The following TET2 variants were observed in gnomAD, a reference collection of about 807,000 sequenced individuals.
TET2 encodes methylcytosine dioxygenase TET2.
TET2 carries 299 observed loss-of-function variants against 142.9 expected under a neutral mutation model. The ratio of observed to expected loss-of-function variants is 2.09; its 90% CI spans 1.90 to 2.30. The LOEUF (loss-of-function observed/expected upper bound fraction) is 2.30, where lower values mean the gene tolerates loss of function less well. Ranked by LOEUF, TET2 falls within the 30% of genes most tolerant of loss-of-function variation. The probability of loss-of-function intolerance (pLI) is 0.00; values close to 1 mark genes in which losing one functional copy is unlikely to be tolerated. For synonymous variants in TET2, 819 were observed against 849.0 expected (o/e 0.96, Z 0.61); for missense variants, 2,418 against 2,378.0 (o/e 1.02, Z -0.35).
intron 4 of TET2, chr4:105,242,039 T>G (rs747966462): frequency 4.0e-6 from 5 of 1,237,280 alleles, no homozygotes; most frequent in Non-Finnish European, 5.1e-6. Flanking sequence ...GAGAAGGCCT[T>G]TCATATAAAT....
intron 2 of TET2, among the ~76,000 whole-genome samples, chr4:105,215,054 TAAA>T (rs1727414362): frequency 6.6e-6 from 1 of 152,050 alleles, no homozygotes; most frequent in South Asian, 2.1e-4. Context: ...CTCCGGGAAT[TAAA>T]TTGGAGGACA....
chr4:105,242,865 G>A lies in TET2; in HGVS notation c.3532G>A (p.Glu1178Lys). ...ACAGAAGGGTAAAGCTATTAGGATTGAAAGAGTCATCTATACTGGTAAAGA... is the reference window on the plus strand; with the variant it reads ...ACAGAAGGGTAAAGCTATTAGGATTAAAAGAGTCATCTATACTGGTAAAGA... ...FGQKGKAIRI[E>K]RVIYTGKEGK... The change falls in exon 5 of 11, where the codon GAA becomes AAA. Residue 1178 changes from glutamate (E) to lysine (K), a missense_variant. By Grantham distance (56) the Glu-to-Lys change is moderately conservative (BLOSUM62 1). Transcript: ENST00000380013. 1.3e-6 allele frequency: 2 copies of A among 1,551,424 alleles called. No individual in the cohort carries two copies. Among genetic ancestry groups the A allele is most frequent in the Non-Finnish European group, 1.7e-6 (2 of 1,146,864 alleles).
At chr4:105,153,059 G>A (rs1177612159) in intron 1 of TET2, among the ~76,000 whole-genome samples, 1 of 152,168 alleles carries the variant, frequency 6.6e-6, no homozygotes, top group Non-Finnish European at 1.5e-5. Context: ...ATGGTTTTTA[G>A]TAAACTTATA....
chr4:105,263,916 C>T (rs1730562701), intron 8 of TET2, among the ~76,000 whole-genome samples: 1 of 152,038 alleles, frequency 6.6e-6, no homozygotes, highest in Non-Finnish European at 1.5e-5. Flanking sequence ...GATGAGAAGA[C>T]ACCCAGAGCA....
Position 105,234,868 on chromosome 4 carries a change from CA to C in TET2, c.928del (p.Met310CysfsTer2). On this transcript the variant is annotated frameshift_variant, in exon 3 of 11. Transcript: ENST00000380013. LOFTEE classifies it high-confidence loss of function. ...DDADNASKLA[A>X]MLNTCSFQKP... ...GCTGATAATGCCAGTAAACTAGCTG[CA>C]ATGCTAAATACCTGTTCCTTTCAGA... The C allele has an allele frequency of 6.2e-7, 1 of 1,614,078 alleles. No homozygotes were observed. Among genetic ancestry groups the C allele is most frequent in the Non-Finnish European group, 8.5e-7 (1 of 1,180,010 alleles).
chr4:105,269,300 A>G (rs529582666), intron 8 of TET2, among the ~76,000 whole-genome samples: 5 of 152,334 alleles, frequency 3.3e-5, no homozygotes, highest in African/African-American at 1.2e-4. Context: ...CTGAGAACAA[A>G]GCAGGAAGCA....
At chr4:105,248,291 C>T (rs1183137146) in intron 6 of TET2, among the ~76,000 whole-genome samples, 2 of 152,104 alleles carry the variant, frequency 1.3e-5, no homozygotes, top group Non-Finnish European at 2.9e-5. Context: ...TGACAGTTTT[C>T]TCTCACTTGA....
chr4:105,180,982 A>G (rs1053966930), intron 1 of TET2, among the ~76,000 whole-genome samples: 3 of 152,130 alleles, frequency 2.0e-5, no homozygotes, highest in Non-Finnish European at 4.4e-5. Flanking sequence ...ATATCCCTCC[A>G]TGTGAAGTTG....
rs146875342 is a variant in TET2, at chr4:105,217,240, G to A, written c.-46-16657G>A. Among the ~76,000 whole-genome samples, 280 of 152,150 alleles carry A rather than the reference G, an allele frequency of 1.8e-3. 1 individual carries two copies. The highest frequency in any genetic ancestry group is 2.8e-3 in the Non-Finnish European group (190 of 67,922). The stretch of plus-strand genomic sequence containing the variant: ...TGATTTTGTATTTGGGCAAAGTACA[G>A]GTGAAGAGCGTGAATCATTAGAACA... On this transcript the variant is annotated intron_variant, in intron 2 of 10. Coordinates refer to ENST00000380013, the MANE Select transcript of TET2 (RefSeq NM_001127208.3).
intron 6 of TET2, among the ~76,000 whole-genome samples, chr4:105,252,091 G>A (rs1729895631): frequency 6.6e-6 from 1 of 152,144 alleles, no homozygotes; most frequent in African/African-American, 2.4e-5. Flanking sequence ...TATTCTGTGA[G>A]TCTGGATCCA....
intron 1 of TET2, among the ~76,000 whole-genome samples, chr4:105,156,112 A>G (rs1723553746): frequency 6.6e-6 from 1 of 152,210 alleles, no homozygotes; most frequent in Admixed American, 6.5e-5. Context: ...TAATTTTAAA[A>G]AAGTTGTTCA....
At chr4:105,237,472 C>T in intron 3 of TET2, 121 bp downstream of exon 3, 1 of 1,610,000 alleles carries the variant, frequency 6.2e-7, no homozygotes, top group South Asian at 1.1e-5. Flanking sequence ...TGTAAAGGCT[C>T]ATAAAAATCT....
chr4:105,183,064 T>G (rs914006012), intron 1 of TET2, among the ~76,000 whole-genome samples: 1 of 152,154 alleles, frequency 6.6e-6, no homozygotes, highest in Admixed American at 6.5e-5. Context: ...TTAAAATATC[T>G]GGGTTAATGC....
chr4:105,163,240 T>C (rs557771484), intron 1 of TET2, among the ~76,000 whole-genome samples: 1 of 152,232 alleles, frequency 6.6e-6, no homozygotes, highest in Non-Finnish European at 1.5e-5. Flanking sequence ...TATTTTTATA[T>C]TTTAGATCTA....
chr4:105,161,898 G>C (rs1483178715), intron 1 of TET2, among the ~76,000 whole-genome samples: 1 of 152,198 alleles, frequency 6.6e-6, no homozygotes, highest in Admixed American at 6.5e-5. Flanking sequence ...TAGGCTGTTC[G>C]TCTTTTTTCA....
intron 2 of TET2, among the ~76,000 whole-genome samples, chr4:105,206,987 G>A (rs1726863021): frequency 6.6e-6 from 1 of 152,170 alleles, no homozygotes; most frequent in Non-Finnish European, 1.5e-5. Context: ...AACAAGTTTG[G>A]AGTAAACTTG....
rs953223317 is a variant in TET2 at position 105,278,196 on chromosome 4, ATATATAT to A, written c.*1678_*1684del. 5 of 159,190 alleles carry A rather than the reference ATATATAT, an allele frequency of 3.1e-5. No homozygotes were observed. The highest frequency in any genetic ancestry group is 1.0e-4 in the African/African-American group (4 of 38,692). The allele number at this position is 159,190 out of a possible 1,614,324, so 9.9% of individuals were successfully genotyped here. On this transcript the variant is annotated 3_prime_UTR_variant, in exon 11 of 11. Coordinates refer to ENST00000380013, the MANE Select transcript of TET2 (RefSeq NM_001127208.3). ...CATATATATATATATATATATATAT[ATATATAT>A]GAGTTTGAAGCAGAATTCACATCAT...
rs1728834526 is a variant in TET2, at chr4:105,235,777, C to G, written c.1835C>G (p.Pro612Arg). Residue 612 changes from proline (P) to arginine (R), a missense_variant, in exon 3 of 11, where the codon CCT (proline) becomes CGT (arginine). Transcript: ENST00000380013. The stretch of plus-strand genomic sequence containing the variant: ...CAATACACTGGAAATTCCAACATGC[C>G]TGGGGGGCTCCCAAGGCAAGCTTAC... ...SKQYTGNSNM[P>R]GGLPRQAYTQ... The G allele has an allele frequency of 6.2e-7, 1 of 1,614,124 alleles. No homozygotes were observed.
intron 2 of TET2, among the ~76,000 whole-genome samples, chr4:105,233,444 G>A (rs959853109): frequency 2.0e-5 from 3 of 146,854 alleles, no homozygotes; most frequent in Non-Finnish European, 4.5e-5. Context: ...ATAAAGAGAA[G>A]ATCTGAGCTA....
Sources: allele counts gnomAD v4.1 joint callset (sites outside exome capture counted in the v4.1 genomes callset), GRCh38; gene constraint gnomAD v4.1.1; transcripts MANE v1.5; gene names NCBI Gene and HGNC (gene_info 2026-07-23, HGNC 2026-07-21).